SPAG9: variants seen among roughly 807,000 people sequenced by gnomAD.
SPAG9 encodes sperm associated antigen 9.
SPAG9 carries 35 observed loss-of-function variants against 166.5 expected under a neutral mutation model. That is an observed-to-expected ratio of 0.21 (90% CI 0.16 to 0.28). SPAG9 has a LOEUF of 0.28. SPAG9 is among the 10% of genes least tolerant of loss of function. The pLI is 1.00. For missense variants in SPAG9, 1,235 were observed against 1,603.3 expected (o/e 0.77, Z 3.92); for synonymous variants, 534 against 565.5 (o/e 0.94, Z 0.79).
intron 2 of SPAG9, among the ~76,000 whole-genome samples, chr17:51,062,859 G>C (rs1033332466): frequency 6.6e-6 from 1 of 152,090 alleles, no homozygotes. Flanking sequence ...CAAAGTGCTG[G>C]GATTACAGGC....
intron 2 of SPAG9, among the ~76,000 whole-genome samples, chr17:51,061,247 G>C (rs1180990225): frequency 6.6e-6 from 1 of 152,030 alleles, no homozygotes; most frequent in Non-Finnish European, 1.5e-5. Flanking sequence ...ACAAAGTCAG[G>C]TCCTGACTGA....
chr17:51,011,733 A>C (rs1265259769), intron 9 of SPAG9, among the ~76,000 whole-genome samples: 3 of 152,142 alleles, frequency 2.0e-5, no homozygotes, highest in Non-Finnish European at 4.4e-5. Flanking sequence ...TAAGTAACTA[A>C]ACTTACAGTA....
intron 9 of SPAG9, among the ~76,000 whole-genome samples, chr17:51,012,562 T>C (rs910401312): frequency 7.3e-5 from 11 of 150,628 alleles, no homozygotes; most frequent in Non-Finnish European, 1.0e-4. Flanking sequence ...AGAGTGAGAC[T>C]ATGTCTCAAA....
intron 13 of SPAG9, among the ~76,000 whole-genome samples, chr17:51,000,264 T>C (rs2044874021): frequency 6.6e-6 from 1 of 152,250 alleles, no homozygotes; most frequent in Non-Finnish European, 1.5e-5. Flanking sequence ...TATTCCAAAT[T>C]GATTTATGAG....
At chr17:50,994,933 C>T (rs752171227) in intron 18 of SPAG9, 124 bp downstream of exon 18, 16 of 652,148 alleles carry the variant, frequency 2.5e-5, no homozygotes, top group Non-Finnish European at 4.0e-5. Context: ...TAAAAGGGTG[C>T]TGAGGGACAG....
rs71353691 is a variant in SPAG9, at chr17:50,971,459, C to CTTT, written c.3701-606_3701-604dup. Among the ~76,000 whole-genome samples the CTTT allele has an allele frequency of 5.2e-4, 47 of 89,872 alleles. 4 individuals are homozygous for CTTT. The highest frequency in any genetic ancestry group is 6.8e-4 in the Admixed American group (5 of 7,326). The allele number at this position is 89,872 out of a possible 152,430, so 59.0% of individuals were successfully genotyped here. ...GTCTTAGCTGCCTGCTTCAAACTAC[C>CTTT]TTTTTTTTTTTTTTTTTTTTTTTTT... On this transcript the variant is annotated intron_variant, in intron 28 of 29. Transcript: ENST00000262013.
intron 1 of SPAG9, among the ~76,000 whole-genome samples, chr17:51,117,904 C>A (rs999990118): frequency 6.6e-6 from 1 of 151,346 alleles, no homozygotes; most frequent in African/African-American, 2.4e-5. Context: ...GAGGCTGAGG[C>A]GAGTGGATTG....
intron 26 of SPAG9, among the ~76,000 whole-genome samples, chr17:50,978,274 T>C (rs545053643): frequency 6.6e-6 from 1 of 152,360 alleles, no homozygotes; most frequent in South Asian, 2.1e-4. Context: ...CAGCCTAACC[T>C]AGGAACCTTT....
intron 3 of SPAG9, among the ~76,000 whole-genome samples, chr17:51,052,444 G>A (rs2047206659): frequency 6.6e-6 from 1 of 152,120 alleles, no homozygotes; most frequent in South Asian, 2.1e-4. Context: ...ACAAAATATA[G>A]GGAGCCTATC....
At chr17:51,068,419 A>G (rs1402086865) in intron 2 of SPAG9, among the ~76,000 whole-genome samples, 2 of 152,206 alleles carry the variant, frequency 1.3e-5, no homozygotes, top group Non-Finnish European at 2.9e-5. Flanking sequence ...ACAGAGTAGG[A>G]TAACTTCAAA....
intron 8 of SPAG9, among the ~76,000 whole-genome samples, chr17:51,015,868 CAAT>C (rs1280687876): frequency 1.3e-5 from 2 of 151,846 alleles, no homozygotes; most frequent in Non-Finnish European, 2.9e-5. Flanking sequence ...GAAGAAACAA[CAAT>C]AAGAAGAAAG....
chr17:51,008,426 T>C (rs2144040594), intron 9 of SPAG9, among the ~76,000 whole-genome samples: 1 of 152,112 alleles, frequency 6.6e-6, no homozygotes, highest in East Asian at 1.9e-4. Flanking sequence ...CTTCAAGGAA[T>C]TGTGAGCTAA....
intron 12 of SPAG9, 37 bp from the exon 13 acceptor site, chr17:51,001,882 C>T: frequency 6.9e-6 from 11 of 1,594,122 alleles, no homozygotes; most frequent in Non-Finnish European, 9.4e-6. Context: ...ATTCTGGAAG[C>T]TTATAAATGT....
At chr17:51,037,767 C>T (rs996255465) in intron 5 of SPAG9, among the ~76,000 whole-genome samples, 1 of 145,526 alleles carries the variant, frequency 6.9e-6, no homozygotes, top group African/African-American at 2.5e-5. Flanking sequence ...AGTCCCACTA[C>T]GTTGCCCAGG....
chr17:51,050,677 C>T (rs1413880519), intron 3 of SPAG9, among the ~76,000 whole-genome samples: 1 of 150,730 alleles, frequency 6.6e-6, no homozygotes, highest in African/African-American at 2.4e-5. Context: ...AAAAATTATA[C>T]ATAACAATTT....
At chr17:50,998,865 A>G (rs1239018412) in intron 14 of SPAG9, among the ~76,000 whole-genome samples, 1 of 152,218 alleles carries the variant, frequency 6.6e-6, no homozygotes, top group Non-Finnish European at 1.5e-5. Context: ...AGCAATTTGT[A>G]TAATGAAAGC....
At chr17:50,973,559 T>A (rs149822826) in intron 28 of SPAG9, among the ~76,000 whole-genome samples, 183 of 152,324 alleles carry the variant, frequency 1.2e-3, no homozygotes, top group Non-Finnish European at 1.9e-3. Flanking sequence ...AATCATTTAA[T>A]CTTTGGAAGA....
chr17:50,986,621 C>T (rs1975069924), intron 22 of SPAG9, among the ~76,000 whole-genome samples: 1 of 152,158 alleles, frequency 6.6e-6, no homozygotes, highest in Admixed American at 6.5e-5. Flanking sequence ...CTCCACACAA[C>T]CGGAAAGTGA....
At chr17:51,000,589 G>C (rs1244296877) in intron 13 of SPAG9, among the ~76,000 whole-genome samples, 1 of 151,966 alleles carries the variant, frequency 6.6e-6, no homozygotes, top group Non-Finnish European at 1.5e-5. Flanking sequence ...ACAAAAATTA[G>C]CTGGGCATGG....
Sources: gnomAD v4.1 joint callset for allele counts (sites outside exome capture counted in the v4.1 genomes callset) on GRCh38, gnomAD v4.1.1 for gene constraint, MANE v1.5 for transcripts, NCBI Gene and HGNC (gene_info 2026-07-23, HGNC 2026-07-21) for gene names.